Variants in POFUT3 observed in about 807,000 individuals in gnomAD.
POFUT3 encodes the protein protein O-fucosyltransferase 3.
chr8:33,315,029 A>G, the POFUT3 span, among the ~76,000 whole-genome samples: 10 of 152,144 alleles, frequency 6.6e-5, no homozygotes, highest in African/African-American at 2.4e-4. Context: ...TTGTTTCATG[A>G]GAACGTTTGC....
chr8:33,389,807 A>G, the POFUT3 span: 1 of 1,567,166 alleles, frequency 6.4e-7, no homozygotes, highest in Non-Finnish European at 8.8e-7. Flanking sequence ...ACCTAGGAGA[A>G]GAAAATGAGA....
chr8:33,469,203 G>A, the POFUT3 span, among the ~76,000 whole-genome samples: 10 of 152,178 alleles, frequency 6.6e-5, no homozygotes, highest in African/African-American at 2.2e-4. Context: ...CTACTGGGGA[G>A]GCTGAGGCAG....
chr8:33,313,760 T>A, the POFUT3 span, among the ~76,000 whole-genome samples: 11 of 152,310 alleles, frequency 7.2e-5, no homozygotes, highest in South Asian at 2.3e-3. Flanking sequence ...TCCTCATATT[T>A]TATGTATGCT....
the POFUT3 span, among the ~76,000 whole-genome samples, chr8:33,380,378 T>C: frequency 6.7e-6 from 1 of 148,730 alleles, no homozygotes; most frequent in Non-Finnish European, 1.5e-5. Context: ...CTGAATTAGG[T>C]GATTCCTAAG....
At chr8:33,369,494 C>T in the POFUT3 span, among the ~76,000 whole-genome samples, 3 of 152,034 alleles carry the variant, frequency 2.0e-5, no homozygotes, top group Non-Finnish European at 4.4e-5. Context: ...TATTTTGCTC[C>T]AGAACTGTGA....
the POFUT3 span, chr8:33,461,399 G>A: frequency 6.2e-7 from 1 of 1,612,776 alleles, no homozygotes; most frequent in Admixed American, 1.7e-5. Context: ...GAAAGACGGT[G>A]GCTGTGACGC....
the POFUT3 span, among the ~76,000 whole-genome samples, chr8:33,353,367 G>A: frequency 2.0e-5 from 3 of 152,082 alleles, no homozygotes; most frequent in African/African-American, 4.8e-5. Flanking sequence ...CTGAACTCAC[G>A]CATGTTTTGT....
At chr8:33,345,971 G>A in the POFUT3 span, among the ~76,000 whole-genome samples, 1 of 151,760 alleles carries the variant, frequency 6.6e-6, no homozygotes, top group East Asian at 1.9e-4. Flanking sequence ...GATTACAGGT[G>A]CCTGCCACCA....
chr8:33,309,168 ATATATATAT>A, the POFUT3 span, among the ~76,000 whole-genome samples: 7 of 40,670 alleles, frequency 1.7e-4, no homozygotes, highest in Non-Finnish European at 3.0e-4. Flanking sequence ...AAAAAAAAAA[ATATATATAT>A]ATATATATAT....
chr8:33,323,118 T>A, the POFUT3 span, among the ~76,000 whole-genome samples: 1 of 152,120 alleles, frequency 6.6e-6, no homozygotes, highest in African/African-American at 2.4e-5. Flanking sequence ...CACATACAAG[T>A]GCACACACAC....
At chr8:33,401,767 C>T in the POFUT3 span, among the ~76,000 whole-genome samples, 1 of 152,046 alleles carries the variant, frequency 6.6e-6, no homozygotes, top group Non-Finnish European at 1.5e-5. Flanking sequence ...CGGTGGCTCA[C>T]CTGTAATCCA....
the POFUT3 span, among the ~76,000 whole-genome samples, chr8:33,409,197 G>A: frequency 6.6e-6 from 1 of 152,152 alleles, no homozygotes; most frequent in African/African-American, 2.4e-5. Context: ...CTGACTCCCG[G>A]ATTCAAGCAA....
the POFUT3 span, among the ~76,000 whole-genome samples, chr8:33,459,027 T>A: frequency 2.6e-5 from 4 of 152,168 alleles, no homozygotes; most frequent in Non-Finnish European, 5.9e-5. Flanking sequence ...ACTACTCATA[T>A]CCACAAATAA....
At chr8:33,319,420 TATTA>T in the POFUT3 span, among the ~76,000 whole-genome samples, 1 of 70,626 alleles carries the variant, frequency 1.4e-5, no homozygotes, top group Non-Finnish European at 2.3e-5. Flanking sequence ...TATATAAATA[TATTA>T]TATATATATT....
the POFUT3 span, among the ~76,000 whole-genome samples, chr8:33,309,978 T>C: frequency 9.2e-5 from 14 of 152,204 alleles, 1 homozygote; most frequent in Admixed American, 8.5e-4. Flanking sequence ...TGCATATGAT[T>C]TATGCTTTTA....
At chr8:33,360,307 G>C in the POFUT3 span, among the ~76,000 whole-genome samples, 1 of 151,804 alleles carries the variant, frequency 6.6e-6, no homozygotes, top group Admixed American at 6.6e-5. Flanking sequence ...TTAGCCGGGC[G>C]TGGTGGCGGG....
the POFUT3 span, among the ~76,000 whole-genome samples, chr8:33,345,379 C>T: frequency 6.6e-6 from 1 of 151,396 alleles, no homozygotes; most frequent in Non-Finnish European, 1.5e-5. Context: ...CAATTAATCA[C>T]CACATGTGGT....
chr8:33,348,146 C>T, the POFUT3 span, among the ~76,000 whole-genome samples: 20 of 144,126 alleles, frequency 1.4e-4, no homozygotes, highest in South Asian at 2.5e-3. Context: ...TTTCCAACCT[C>T]GGTGACAGAG....
the POFUT3 span, among the ~76,000 whole-genome samples, chr8:33,438,414 C>A: frequency 6.6e-6 from 1 of 151,856 alleles, no homozygotes; most frequent in Non-Finnish European, 1.5e-5. Context: ...CCTGTCTCTA[C>A]AAAAAAAATT....
Sources: gnomAD v4.1 joint callset for allele counts (sites outside exome capture counted in the v4.1 genomes callset) on GRCh38, gnomAD v4.1.1 for gene constraint, MANE v1.5 for transcripts, NCBI Gene and HGNC (gene_info 2026-07-23, HGNC 2026-07-21) for gene names.